The following ECHDC1 variants were observed in gnomAD, a reference collection of about 807,000 sequenced individuals.
ECHDC1 encodes ethylmalonyl-CoA decarboxylase.
ECHDC1 carries 29 observed loss-of-function variants against 29.7 expected under a neutral mutation model. The ratio of observed to expected loss-of-function variants is 0.98; its 90% CI spans 0.73 to 1.33. The LOEUF (loss-of-function observed/expected upper bound fraction) is 1.33. Among genes scored for constraint, ECHDC1 ranks in the 40% most tolerant of loss-of-function variants. ECHDC1 has a pLI of 0.00. For missense variants in ECHDC1, 328 were observed against 350.0 expected, an observed-to-expected ratio of 0.94 and a Z score of 0.50; for synonymous variants, 126 against 123.1, an observed-to-expected ratio of 1.02 and a Z score of -0.15.
intron 1 of ECHDC1, among the ~76,000 whole-genome samples, chr6:127,339,884 C>T (rs745803254): frequency 3.3e-5 from 5 of 152,028 alleles, no homozygotes; most frequent in African/African-American, 4.8e-5. Context: ...GTATCATAGT[C>T]AGCCAAATAA....
rs1779976656 is a variant in ECHDC1 at position 127,289,925 on chromosome 6, A to C, written c.850T>G (p.Trp284Gly). The change falls in exon 6 of 6, where the codon TGG (tryptophan) becomes GGG (glycine). Residue 284 changes from tryptophan to glycine, a missense_variant. Transcript: ENST00000454859. ...QNERDLLGTVWGGPANLEAIA... is the reference protein window; with the variant it reads ...QNERDLLGTVGGGPANLEAIA... ...GCCTCTAAATTTGCAGGCCCACCCC[A>C]AACTGTTCCTAAAAGATCTCTTTCG... The C allele has an allele frequency of 6.2e-7, 1 of 1,613,530 alleles. No individual in the cohort carries two copies. The highest frequency in any genetic ancestry group is 2.2e-5 in the East Asian group (1 of 44,864).
intron 5 of ECHDC1, among the ~76,000 whole-genome samples, chr6:127,300,954 T>C (rs1213895489): frequency 6.6e-6 from 1 of 151,192 alleles, no homozygotes; most frequent in Non-Finnish European, 1.5e-5. Flanking sequence ...ATTCTAAATA[T>C]CTTTAATTTG....
At chr6:127,329,576 T>C (rs1415889014) in intron 2 of ECHDC1, among the ~76,000 whole-genome samples, 1 of 152,202 alleles carries the variant, frequency 6.6e-6, no homozygotes, top group Non-Finnish European at 1.5e-5. Context: ...CTGTGTGTAC[T>C]GAGCACTTGA....
At chr6:127,336,237 C>T (rs563583807) in intron 1 of ECHDC1, among the ~76,000 whole-genome samples, 93 of 152,080 alleles carry the variant, frequency 6.1e-4, no homozygotes, top group Middle Eastern at 6.8e-3. Context: ...AATTACCGGG[C>T]ATGTAGAAGA....
intron 2 of ECHDC1, among the ~76,000 whole-genome samples, chr6:127,328,583 C>T (rs1050146387): frequency 3.4e-4 from 51 of 152,164 alleles, no homozygotes; most frequent in Non-Finnish European, 2.9e-4. Context: ...GTAACCCTTT[C>T]CAAGGATGTC....
At chr6:127,330,201 T>A (rs1783798519) in intron 2 of ECHDC1, among the ~76,000 whole-genome samples, 1 of 152,220 alleles carries the variant, frequency 6.6e-6, no homozygotes. Flanking sequence ...AATTACAAAG[T>A]ACCACATGTC....
chr6:127,294,812 TCTC>T (rs894001996), intron 5 of ECHDC1: 1 of 151,720 alleles, frequency 6.6e-6, no homozygotes, highest in Non-Finnish European at 1.5e-5. Context: ...GAGGTGGACA[TCTC>T]CTATTCAGAG....
chr6:127,308,510 AG>A (rs1781627388), intron 5 of ECHDC1, among the ~76,000 whole-genome samples: 1 of 152,160 alleles, frequency 6.6e-6, no homozygotes, highest in Non-Finnish European at 1.5e-5. Flanking sequence ...AACATAATAA[AG>A]GCCATATACA....
At chr6:127,330,437 T>TC (rs752490962) in intron 2 of ECHDC1, among the ~76,000 whole-genome samples, 2 of 152,230 alleles carry the variant, frequency 1.3e-5, no homozygotes, top group African/African-American at 2.4e-5. Context: ...AACAGGCTTT[T>TC]CTCTTTAGTT....
chr6:127,339,863 T>A (rs1252758016), intron 1 of ECHDC1, among the ~76,000 whole-genome samples: 1 of 151,992 alleles, frequency 6.6e-6, no homozygotes, highest in Non-Finnish European at 1.5e-5. Context: ...GGGGTGTGGC[T>A]ACAAGTGAGG....
intron 2 of ECHDC1, chr6:127,329,689 A>G (rs958680211): frequency 3.3e-6 from 1 of 303,826 alleles, no homozygotes; most frequent in Non-Finnish European, 6.5e-6. Context: ...ATAATTGTTT[A>G]TATTAGTGAC....
chr6:127,329,882 T>C (rs1783761346), intron 2 of ECHDC1: 1 of 455,370 alleles, frequency 2.2e-6, no homozygotes, highest in Non-Finnish European at 4.4e-6. Context: ...CTCTCTGAAT[T>C]CTGGTAAGTG....
chr6:127,326,838 A>G, intron 3 of ECHDC1, 164 bp downstream of exon 3: 1 of 664,644 alleles, frequency 1.5e-6, no homozygotes, highest in Admixed American at 3.2e-5. Flanking sequence ...TGCTTGTTAT[A>G]TTGTTCCTCC....
intron 3 of ECHDC1, chr6:127,326,690 A>AAG (rs926278118): frequency 1.7e-5 from 6 of 358,850 alleles, no homozygotes; most frequent in South Asian, 9.3e-5. Flanking sequence ...CATTAACAGC[A>AAG]AGAGAGAGAG....
intron 5 of ECHDC1, among the ~76,000 whole-genome samples, chr6:127,292,407 A>G (rs1469414521): frequency 6.6e-6 from 1 of 152,050 alleles, no homozygotes; most frequent in African/African-American, 2.4e-5. Flanking sequence ...CATATTTTAC[A>G]ACTCCAACAA....
chr6:127,309,409 CCTAT>C (rs1781695565), intron 5 of ECHDC1, among the ~76,000 whole-genome samples: 1 of 151,274 alleles, frequency 6.6e-6, no homozygotes, highest in Non-Finnish European at 1.5e-5. Flanking sequence ...AAATTAGACC[CCTAT>C]CTATCACCAC....
At chr6:127,317,699 G>A (rs1279370156) in intron 3 of ECHDC1, among the ~76,000 whole-genome samples, 2 of 152,112 alleles carry the variant, frequency 1.3e-5, no homozygotes, top group Non-Finnish European at 2.9e-5. Context: ...TCAGATTTTT[G>A]GTACTATGTT....
chr6:127,311,895 T>G (rs1301466662), intron 5 of ECHDC1, among the ~76,000 whole-genome samples: 3 of 151,900 alleles, frequency 2.0e-5, no homozygotes, highest in African/African-American at 7.2e-5. Context: ...ATAATTGCAC[T>G]GTGGCTCTAT....
Position 127,288,746 on chromosome 6 carries a change from T to G in ECHDC1, c.*1123A>C, listed in dbSNP as rs1379557903. The G allele has an allele frequency of 1.3e-5, 2 of 152,690 alleles. No homozygotes were observed. Among genetic ancestry groups the G allele is most frequent in the Non-Finnish European group, 2.9e-5 (2 of 67,984 alleles). The allele number at this position is 152,690 out of a possible 1,614,324, so 9.5% of individuals were successfully genotyped here. On this transcript the variant is annotated 3_prime_UTR_variant, in exon 6 of 6. Coordinates refer to ENST00000454859, the MANE Select transcript of ECHDC1 (RefSeq NM_001002030.2). The stretch of plus-strand genomic sequence containing the variant: ...ACAAAATCCACTTTTATTTGGTAGT[T>G]TTTACATCTATGGCCAAATAGTATT...
Sources: gnomAD v4.1 joint callset for allele counts (sites outside exome capture counted in the v4.1 genomes callset) on GRCh38, gnomAD v4.1.1 for gene constraint, MANE v1.5 for transcripts, NCBI Gene and HGNC (gene_info 2026-07-23, HGNC 2026-07-21) for gene names.